CCDC148: variants seen among roughly 807,000 people sequenced by gnomAD.
CCDC148 encodes the protein coiled-coil domain containing 148, also known as coiled-coil domain-containing protein 148.
CCDC148 carries 89 observed loss-of-function variants against 85.7 expected under a neutral mutation model. The ratio of observed to expected loss-of-function variants is 1.04; its 90% CI spans 0.87 to 1.24. The LOEUF (loss-of-function observed/expected upper bound fraction) is 1.24, where lower values mean the gene tolerates loss of function less well. Among genes scored for constraint, CCDC148 ranks in the 50% most tolerant of loss-of-function variants. The pLI, the probability that CCDC148 is intolerant of heterozygous loss-of-function variation, is 0.00. For missense variants in CCDC148, 692 were observed against 671.7 expected, an observed-to-expected ratio of 1.03 and a Z score of -0.33; for synonymous variants, 230 against 213.9, an observed-to-expected ratio of 1.08 and a Z score of -0.66.
At chr2:158,340,119 T>A in intron 5 of CCDC148, 123 bp downstream of exon 5, 1 of 694,606 alleles carries the variant, frequency 1.4e-6, no homozygotes, top group Non-Finnish European at 2.2e-6. Flanking sequence ...TCTATTTAAA[T>A]ATTATTTATG....
At chr2:158,445,739 T>C (rs2105346478) in intron 1 of CCDC148, among the ~76,000 whole-genome samples, 1 of 152,262 alleles carries the variant, frequency 6.6e-6, no homozygotes, top group South Asian at 2.1e-4. Context: ...TATTTTACAT[T>C]CTTTAAGTGT....
chr2:158,347,946 T>C (rs1027293560), intron 2 of CCDC148, among the ~76,000 whole-genome samples: 2 of 152,110 alleles, frequency 1.3e-5, no homozygotes, highest in Non-Finnish European at 2.9e-5. Context: ...TTCTCATTTA[T>C]CGGGTTGACA....
At chr2:158,339,286 A>T (rs893746432) in intron 5 of CCDC148, among the ~76,000 whole-genome samples, 1 of 152,126 alleles carries the variant, frequency 6.6e-6, no homozygotes, top group Non-Finnish European at 1.5e-5. Flanking sequence ...CATCCCAAAA[A>T]TAAGCTCAGA....
chr2:158,324,608 C>A (rs13382577), intron 7 of CCDC148, among the ~76,000 whole-genome samples: 25,595 of 152,010 alleles, frequency 0.17, 3,482 homozygotes, highest in African/African-American at 0.38. Context: ...TCTAAAGAGA[C>A]AAAGAGTACT....
intron 1 of CCDC148, among the ~76,000 whole-genome samples, chr2:158,454,150 C>T (rs1688510710): frequency 6.6e-6 from 1 of 152,162 alleles, no homozygotes. Context: ...TCTTCAAAAT[C>T]ATTTCAGTGG....
chr2:158,232,562 G>C (rs767288435), intron 10 of CCDC148, among the ~76,000 whole-genome samples: 1 of 152,112 alleles, frequency 6.6e-6, no homozygotes, highest in Admixed American at 6.6e-5. Context: ...TAGGACAAAA[G>C]GATTAGAGTA....
At chr2:158,434,633 GT>G (rs1279171472) in intron 1 of CCDC148, among the ~76,000 whole-genome samples, 1 of 152,194 alleles carries the variant, frequency 6.6e-6, no homozygotes, top group Admixed American at 6.5e-5. Flanking sequence ...AATTTGACGA[GT>G]TCAGAGAAGA....
intron 1 of CCDC148, among the ~76,000 whole-genome samples, chr2:158,435,284 A>G (rs996096967): frequency 6.6e-6 from 1 of 152,266 alleles, no homozygotes; most frequent in East Asian, 1.9e-4. Flanking sequence ...ATCTCTCGGC[A>G]GAAACTCTCC....
At chr2:158,410,179 CTTCTTCAG>C (rs1230089267) in intron 1 of CCDC148, among the ~76,000 whole-genome samples, 21 of 152,278 alleles carry the variant, frequency 1.4e-4, no homozygotes, top group Admixed American at 1.2e-3. Flanking sequence ...CACCCCTGCT[CTTCTTCAG>C]TTACTATTTG....
intron 2 of CCDC148, among the ~76,000 whole-genome samples, chr2:158,348,146 C>T (rs987534467): frequency 6.6e-6 from 1 of 151,918 alleles, no homozygotes; most frequent in Non-Finnish European, 1.5e-5. Flanking sequence ...ACTATATTGG[C>T]AAAAGTATAA....
At chr2:158,272,325 G>A (rs1436114341) in intron 9 of CCDC148, among the ~76,000 whole-genome samples, 2 of 152,122 alleles carry the variant, frequency 1.3e-5, no homozygotes, top group Non-Finnish European at 2.9e-5. Context: ...ATGCACACTG[G>A]TCTCATTGAT....
chr2:158,206,292 G>T (rs1240352672), intron 11 of CCDC148, among the ~76,000 whole-genome samples: 1 of 152,166 alleles, frequency 6.6e-6, no homozygotes, highest in Non-Finnish European at 1.5e-5. Context: ...AACGAATGTA[G>T]AATGGGCCTT....
chr2:158,254,741 A>G (rs965431), intron 9 of CCDC148, among the ~76,000 whole-genome samples: 6,636 of 151,568 alleles, frequency 0.044, 512 homozygotes, highest in African/African-American at 0.15. Flanking sequence ...TACTCTTCTC[A>G]TTTTTTGATT....
chr2:158,197,519 C>A, intron 11 of CCDC148, among the ~76,000 whole-genome samples: 1 of 152,188 alleles, frequency 6.6e-6, no homozygotes, highest in Middle Eastern at 3.4e-3. Context: ...ATACCTAAGA[C>A]ACATGATACC....
intron 1 of CCDC148, among the ~76,000 whole-genome samples, chr2:158,374,103 GACA>G (rs1317693337): frequency 6.6e-6 from 1 of 152,028 alleles, no homozygotes; most frequent in Admixed American, 6.6e-5. Context: ...TGTATGAGAT[GACA>G]ACTATTATCA....
At chr2:158,194,889 T>A (rs1464305419) in intron 11 of CCDC148, among the ~76,000 whole-genome samples, 1 of 151,998 alleles carries the variant, frequency 6.6e-6, no homozygotes, top group South Asian at 2.1e-4. Flanking sequence ...CCATCCCCCA[T>A]CTGCTCATCC....
At chr2:158,248,636 A>G (rs1000998917) in intron 10 of CCDC148, among the ~76,000 whole-genome samples, 9 of 152,278 alleles carry the variant, frequency 5.9e-5, no homozygotes, top group African/African-American at 2.2e-4. Flanking sequence ...CCCTGCATGA[A>G]GCTTAGCAAA....
chr2:158,413,201 G>A (rs1270972266), intron 1 of CCDC148, among the ~76,000 whole-genome samples: 1 of 152,024 alleles, frequency 6.6e-6, no homozygotes, highest in Non-Finnish European at 1.5e-5. Flanking sequence ...AAAGCAAAAT[G>A]TTAAAAGAAG....
At chr2:158,344,167 T>G (rs1682879858) in intron 3 of CCDC148, among the ~76,000 whole-genome samples, 2 of 151,874 alleles carry the variant, frequency 1.3e-5, no homozygotes, top group Non-Finnish European at 2.9e-5. Flanking sequence ...ATGCACATTT[T>G]CAAAAAAAAA....
Sources: gnomAD v4.1 joint callset for allele counts (sites outside exome capture counted in the v4.1 genomes callset) on GRCh38, gnomAD v4.1.1 for gene constraint, MANE v1.5 for transcripts, NCBI Gene and HGNC (gene_info 2026-07-23, HGNC 2026-07-21) for gene names.